The following GRM5 variants were observed in gnomAD, a reference collection of about 807,000 sequenced individuals.
GRM5 encodes glutamate metabotropic receptor 5.
GRM5 carries 19 observed loss-of-function variants against 83.1 expected under a neutral mutation model. The ratio of observed to expected loss-of-function variants is 0.23; its 90% CI spans 0.16 to 0.34. The LOEUF (loss-of-function observed/expected upper bound fraction) is 0.34. Ranked by LOEUF, GRM5 falls within the 10% of genes least tolerant of loss-of-function variation. The pLI is 1.00. For synonymous variants in GRM5, 675 were observed against 633.6 expected (o/e 1.07, Z -0.98); for missense variants, 1,160 against 1,588.3 (o/e 0.73, Z 4.58).
chr11:88,652,226 T>C (rs1591413278), intron 4 of GRM5, among the ~76,000 whole-genome samples: 1 of 152,092 alleles, frequency 6.6e-6, no homozygotes, highest in East Asian at 1.9e-4. Flanking sequence ...TCAATTTGCA[T>C]TTTCCTGCAA....
chr11:88,760,044 A>T (rs186043279), intron 3 of GRM5, among the ~76,000 whole-genome samples: 75 of 152,266 alleles, frequency 4.9e-4, no homozygotes, highest in Middle Eastern at 3.4e-3. Flanking sequence ...CAAAGATGCA[A>T]CATACCAGAA....
At chr11:88,626,983 T>A (rs1180421894) in intron 4 of GRM5, among the ~76,000 whole-genome samples, 1 of 151,894 alleles carries the variant, frequency 6.6e-6, no homozygotes, top group African/African-American at 2.4e-5. Context: ...AAAAAAAAAA[T>A]TTGTTTAAGC....
At chr11:89,045,503 T>C (rs956727041) in intron 2 of GRM5, among the ~76,000 whole-genome samples, 2 of 152,154 alleles carry the variant, frequency 1.3e-5, no homozygotes, top group African/African-American at 2.4e-5. Context: ...ATCTTGGAAA[T>C]TATAATCATT....
intron 2 of GRM5, among the ~76,000 whole-genome samples, chr11:88,961,275 C>T (rs994474745): frequency 1.3e-5 from 2 of 152,002 alleles, no homozygotes; most frequent in African/African-American, 2.4e-5. Flanking sequence ...CAAATGGGTG[C>T]AATGTACAAG....
At chr11:89,002,428 T>C (rs1328547460) in intron 2 of GRM5, among the ~76,000 whole-genome samples, 1 of 152,088 alleles carries the variant, frequency 6.6e-6, no homozygotes, top group Non-Finnish European at 1.5e-5. Context: ...AACTCAAAAA[T>C]AAGAGGCTGC....
intron 1 of GRM5, among the ~76,000 whole-genome samples, chr11:89,050,991 G>A (rs1309898281): frequency 3.9e-5 from 6 of 152,002 alleles, no homozygotes; most frequent in Admixed American, 1.3e-4. Context: ...AAAGATAACC[G>A]GTGAATACTT....
intron 7 of GRM5, among the ~76,000 whole-genome samples, chr11:88,579,483 G>A (rs1406166714): frequency 6.6e-6 from 1 of 152,148 alleles, no homozygotes; most frequent in Admixed American, 6.6e-5. Flanking sequence ...TGGATATGAG[G>A]GGGGTTAGTT....
chr11:88,649,265 ATAT>A (rs1357144494), intron 4 of GRM5, among the ~76,000 whole-genome samples: 1 of 58,240 alleles, frequency 1.7e-5, no homozygotes, highest in Non-Finnish European at 3.7e-5. Context: ...TATTACATAT[ATAT>A]TATATATTAT....
intron 3 of GRM5, among the ~76,000 whole-genome samples, chr11:88,827,855 A>T (rs1339442779): frequency 6.6e-6 from 1 of 152,230 alleles, no homozygotes; most frequent in African/African-American, 2.4e-5. Context: ...AATAAATAAG[A>T]AATTTTGTAG....
intron 2 of GRM5, among the ~76,000 whole-genome samples, chr11:88,990,088 G>T (rs1418864316): frequency 1.0e-4 from 15 of 149,598 alleles, no homozygotes; most frequent in African/African-American, 3.7e-4. Context: ...TTTTTTGAAA[G>T]GATCAACAAA....
intron 2 of GRM5, among the ~76,000 whole-genome samples, chr11:88,905,014 C>T (rs549700): frequency 0.96 from 146,563 of 152,256 alleles, 70,590 homozygotes; most frequent in East Asian, 0.99. Context: ...ATTATGCTGC[C>T]GAATTGTGAA....
At chr11:89,061,531 G>A (rs1281169862) in intron 1 of GRM5, among the ~76,000 whole-genome samples, 1 of 152,196 alleles carries the variant, frequency 6.6e-6, no homozygotes, top group Non-Finnish European at 1.5e-5. Context: ...ATTTTAACAT[G>A]AAACACAACA....
chr11:88,948,572 G>A (rs1408459398), intron 2 of GRM5, among the ~76,000 whole-genome samples: 1 of 152,158 alleles, frequency 6.6e-6, no homozygotes, highest in East Asian at 1.9e-4. Flanking sequence ...GAAATGCAAG[G>A]GTTCAAGTTT....
At chr11:88,809,015 A>G (rs757188723) in intron 3 of GRM5, among the ~76,000 whole-genome samples, 1 of 152,038 alleles carries the variant, frequency 6.6e-6, no homozygotes, top group Non-Finnish European at 1.5e-5. Flanking sequence ...TTATCTTTTA[A>G]CAACGTGTTT....
At chr11:88,555,253 GTCA>G (rs1220543436) in intron 8 of GRM5, among the ~76,000 whole-genome samples, 1 of 152,172 alleles carries the variant, frequency 6.6e-6, no homozygotes, top group African/African-American at 2.4e-5. Context: ...ACCCAGGAAT[GTCA>G]TCATTACTTG....
chr11:88,744,172 G>C (rs6483416), intron 3 of GRM5, among the ~76,000 whole-genome samples: 2 of 151,592 alleles, frequency 1.3e-5, no homozygotes, highest in African/African-American at 4.8e-5. Flanking sequence ...TCTTCTTTCA[G>C]TGGAAAGCCA....
At chr11:88,862,089 A>ATTT (rs1228195245) in intron 2 of GRM5, among the ~76,000 whole-genome samples, 1 of 152,178 alleles carries the variant, frequency 6.6e-6, no homozygotes, top group African/African-American at 2.4e-5. Flanking sequence ...TCATTGTGAT[A>ATTT]TAAAAGCACT....
chr11:88,908,460 C>T (rs1439059133), intron 2 of GRM5, among the ~76,000 whole-genome samples: 1 of 152,094 alleles, frequency 6.6e-6, no homozygotes, highest in Non-Finnish European at 1.5e-5. Flanking sequence ...TTCCTCTGCA[C>T]CACCTCTTTC....
intron 8 of GRM5, among the ~76,000 whole-genome samples, chr11:88,533,976 C>T (rs1004129965): frequency 3.3e-5 from 5 of 152,066 alleles, no homozygotes; most frequent in African/African-American, 1.2e-4. Context: ...GGATGCAAGC[C>T]CCAGGTCTTG....
Sources: allele counts gnomAD v4.1 joint callset (sites outside exome capture counted in the v4.1 genomes callset), GRCh38; gene constraint gnomAD v4.1.1; transcripts MANE v1.5; gene names NCBI Gene and HGNC (gene_info 2026-07-23, HGNC 2026-07-21).